PRKAA1: variants seen among roughly 807,000 people sequenced by gnomAD.
PRKAA1 encodes protein kinase AMP-activated catalytic subunit alpha 1, also known as 5'-AMP-activated protein kinase catalytic subunit alpha-1.
Under a neutral mutation model 56.9 loss-of-function variants are expected in PRKAA1, and 23 were observed. The observed-to-expected ratio is 0.40, with a 90% CI of 0.29 to 0.57. The LOEUF (loss-of-function observed/expected upper bound fraction) is 0.57. Ranked by LOEUF, PRKAA1 falls within the 20% of genes least tolerant of loss-of-function variation. PRKAA1 has a pLI of 0.39. For synonymous variants in PRKAA1, 226 were observed against 227.0 expected (o/e 1.00, Z 0.04); for missense variants, 413 against 679.7 (o/e 0.61, Z 4.36).
In PRKAA1 at chr5:40,767,642, G is replaced by C. The variant is rs755681776; in HGVS notation, c.645C>G (p.Leu215=). 1.2e-6 allele frequency: 2 copies of C among 1,613,416 alleles called. No individual in the cohort carries two copies. Among genetic ancestry groups the C allele is most frequent in the Non-Finnish European group, 1.7e-6 (2 of 1,179,568 alleles). The change falls in exon 6 of 9, where the codon CTC becomes CTG. Residue 215 remains leucine (L), a synonymous_variant. Transcript: ENST00000397128. The part of the protein sequence containing the change: ...EVDIWSSGVI[L]YALLCGTLPF... Reference sequence around the variant, plus strand: ...GAAGGGTTCCACATAATAAAGCATAGAGAATAACCCCACTGCTCCATATAT... The same window carrying C: ...GAAGGGTTCCACATAATAAAGCATACAGAATAACCCCACTGCTCCATATAT...
intron 1 of PRKAA1, among the ~76,000 whole-genome samples, chr5:40,780,294 C>T (rs1287459996): frequency 6.6e-6 from 1 of 152,134 alleles, no homozygotes; most frequent in East Asian, 1.9e-4. Context: ...TAATTTATCA[C>T]AGCCTTTTTG....
At chr5:40,773,353 T>C (rs1561173592) in intron 3 of PRKAA1, among the ~76,000 whole-genome samples, 1 of 151,404 alleles carries the variant, frequency 6.6e-6, no homozygotes, top group African/African-American at 2.4e-5. Context: ...AAAAGTAAAA[T>C]AGACAGGCTA....
rs568778608 is a variant in PRKAA1 at position 40,765,765 on chromosome 5, A to G, written c.822-527T>C. Among the ~76,000 whole-genome samples, 8 of 152,282 alleles carry G rather than the reference A, an allele frequency of 5.3e-5. No homozygotes were observed. In the South Asian group the frequency reaches 1.7e-3, roughly 32 times the overall value. On this transcript the variant is annotated intron_variant, in intron 6 of 8. Coordinates refer to ENST00000397128, the MANE Select transcript of PRKAA1 (RefSeq NM_006251.6). ...GGAATTGAGGTTAAAAAAAAAATCAAGGAACATGCTCAAGGTCACAAAGAC... is the reference window on the plus strand; with the variant it reads ...GGAATTGAGGTTAAAAAAAAAATCAGGGAACATGCTCAAGGTCACAAAGAC...
chr5:40,797,117 G>A (rs145788742), intron 1 of PRKAA1, among the ~76,000 whole-genome samples: 72 of 152,280 alleles, frequency 4.7e-4, no homozygotes, highest in African/African-American at 1.6e-3. Flanking sequence ...AGCTTTAGGG[G>A]TACAAGTGGC....
chr5:40,762,847 T>C lies in PRKAA1; in HGVS notation c.1611A>G (p.Pro537=), dbSNP rs375039425. ...SLDSSPVDLT[P]RPGSHTIEFF... ...ATTCTATTGTGTGACTTCCAGGTCT[T>C]GGAGTTAGGTCAACAGGAGAAGAGT... The change falls in exon 9 of 9, where the codon CCA becomes CCG. Residue 537 remains proline (P), a synonymous_variant. Transcript: ENST00000397128. 23 of 1,614,070 alleles carry C rather than the reference T, an allele frequency of 1.4e-5. No homozygotes were observed. Among genetic ancestry groups the C allele is most frequent in the Non-Finnish European group, 1.9e-5 (23 of 1,180,026 alleles).
At chr5:40,781,745 C>A (rs531422477) in intron 1 of PRKAA1, among the ~76,000 whole-genome samples, 21 of 152,116 alleles carry the variant, frequency 1.4e-4, no homozygotes, top group South Asian at 4.2e-4. Context: ...TATGAAAAAA[C>A]CAAATATAGG....
intron 4 of PRKAA1, 141 bp downstream of exon 4, chr5:40,771,578 T>G: frequency 1.3e-6 from 1 of 783,190 alleles, no homozygotes; most frequent in Non-Finnish European, 1.9e-6. Context: ...TGTATCTTCA[T>G]AGACAAAACA....
chr5:40,759,868 AGATAT>A lies in PRKAA1; in HGVS notation c.*2905_*2909del, dbSNP rs1300284668. On this transcript the variant is annotated 3_prime_UTR_variant, in exon 9 of 9. Coordinates refer to ENST00000397128, the MANE Select transcript of PRKAA1 (RefSeq NM_006251.6). ...TATTTCAGTGAAATTATTTTAAATT[AGATAT>A]GATATATTAAGCTCCCATATGCCCC... The A allele has an allele frequency of 1.3e-5, 2 of 152,502 alleles. No homozygotes were observed. The highest frequency in any genetic ancestry group is 2.4e-5 in the African/African-American group (1 of 41,592). 9.4% of individuals were successfully genotyped at this position (152,502 alleles called of 1,614,324 possible).
At chr5:40,786,108 A>C (rs1744472210) in intron 1 of PRKAA1, among the ~76,000 whole-genome samples, 1 of 152,166 alleles carries the variant, frequency 6.6e-6, no homozygotes, top group African/African-American at 2.4e-5. Flanking sequence ...TAGAAAAATT[A>C]GCCAGGAGTG....
chr5:40,789,267 C>T (rs1487289750), intron 1 of PRKAA1, among the ~76,000 whole-genome samples: 4 of 151,980 alleles, frequency 2.6e-5, no homozygotes, highest in Non-Finnish European at 5.9e-5. Context: ...TGAAAGAATG[C>T]TGAACATCTC....
At chr5:40,770,976 AAAT>A (rs1265113674) in intron 4 of PRKAA1, among the ~76,000 whole-genome samples, 1 of 152,046 alleles carries the variant, frequency 6.6e-6, no homozygotes, top group East Asian at 1.9e-4. Context: ...ATTTTTAAAT[AAAT>A]TTTTTTAATT....
At position 40,765,197 on chromosome 5, in the gene PRKAA1, AAG is replaced by A; in HGVS notation, c.861_862del (p.Phe288SerfsTer2). 1 of 1,613,928 alleles carries A rather than the reference AAG, an allele frequency of 6.2e-7. No homozygotes were observed. The highest frequency in any genetic ancestry group is 1.1e-5 in the South Asian group (1 of 91,056). ...TGAACTATATGATGGATCCTCAGGA[AAG>A]AGATATTTTGGAAGGTCCTGTTTAA... On this transcript the variant is annotated frameshift_variant, in exon 7 of 9. Coordinates refer to ENST00000397128, the MANE Select transcript of PRKAA1 (RefSeq NM_006251.6). LOFTEE classifies it high-confidence loss of function.
intron 1 of PRKAA1, among the ~76,000 whole-genome samples, chr5:40,786,619 C>T (rs1561185145): frequency 6.6e-6 from 1 of 151,226 alleles, no homozygotes; most frequent in Non-Finnish European, 1.5e-5. Flanking sequence ...GGAAATCATA[C>T]AATCTGAAGA....
At chr5:40,795,034 C>CACACACACACAA (rs545110871) in intron 1 of PRKAA1, among the ~76,000 whole-genome samples, 2 of 145,924 alleles carry the variant, frequency 1.4e-5, no homozygotes, top group Admixed American at 1.4e-4. Flanking sequence ...CACACACACA[C>CACACACACACAA]AAAATGGAAT....
rs368470513 is a variant in PRKAA1, at chr5:40,764,742, T to C, written c.1308+10A>G. On this transcript the variant is annotated intron_variant, in intron 7 of 8. Transcript: ENST00000397128. ...ATATGCTAATAATCAAAATGTTATT[T>C]CTTTCTTACCTTCCATTCATAATCC... 155 of 1,605,400 alleles carry C rather than the reference T, an allele frequency of 9.7e-5. No homozygotes were observed. In the African/African-American group the frequency reaches 2.0e-3, roughly 20 times the overall value.
intron 4 of PRKAA1, among the ~76,000 whole-genome samples, chr5:40,771,446 G>A (rs1743742131): frequency 6.6e-6 from 1 of 152,216 alleles, no homozygotes; most frequent in Admixed American, 6.5e-5. Flanking sequence ...GGGATGCAGT[G>A]AGCTATGATC....
At chr5:40,768,427 T>C (rs1475078852) in intron 5 of PRKAA1, 1 of 923,172 alleles carries the variant, frequency 1.1e-6, no homozygotes, top group Non-Finnish European at 1.3e-6. Context: ...ATAACAACTT[T>C]CCACAGTCTC....
chr5:40,791,224 C>A (rs1472798661), intron 1 of PRKAA1, among the ~76,000 whole-genome samples: 2 of 152,208 alleles, frequency 1.3e-5, no homozygotes, highest in Non-Finnish European at 2.9e-5. Context: ...CTCTGTCAGG[C>A]ATATGCACTA....
intron 4 of PRKAA1, among the ~76,000 whole-genome samples, chr5:40,769,862 G>A (rs1743638413): frequency 7.8e-6 from 1 of 127,468 alleles, no homozygotes; most frequent in Non-Finnish European, 1.6e-5. Context: ...TTCCTATTAA[G>A]CCTGTTCTGA....
Sources: gnomAD v4.1 joint callset for allele counts (sites outside exome capture counted in the v4.1 genomes callset) on GRCh38, gnomAD v4.1.1 for gene constraint, MANE v1.5 for transcripts, NCBI Gene and HGNC (gene_info 2026-07-23, HGNC 2026-07-21) for gene names.